Variants in CNTNAP2 observed in about 807,000 individuals in gnomAD.
CNTNAP2 encodes the protein contactin-associated protein-like 2.
A neutral mutation model predicts 155.2 loss-of-function variants in CNTNAP2; 98 were observed. The observed-to-expected ratio is 0.63, with a 90% confidence interval of 0.54 to 0.75. The LOEUF is 0.75. Ranked by LOEUF, CNTNAP2 falls within the 30% of genes least tolerant of loss-of-function variation. CNTNAP2 has a pLI of 0.00. For missense variants in CNTNAP2, 1,727 were observed against 1,688.1 expected, an observed-to-expected ratio of 1.02 and a Z score of -0.40; for synonymous variants, 651 against 631.2, an observed-to-expected ratio of 1.03 and a Z score of -0.47.
intron 2 of CNTNAP2, among the ~76,000 whole-genome samples, chr7:146,830,674 T>C (rs1278693944): frequency 6.6e-6 from 1 of 152,182 alleles, no homozygotes; most frequent in Admixed American, 6.5e-5. Context: ...TGTTTATTGT[T>C]GATGTTAAAA....
chr7:146,759,072 T>G (rs1189445308), intron 1 of CNTNAP2, among the ~76,000 whole-genome samples: 3 of 151,890 alleles, frequency 2.0e-5, no homozygotes, highest in Admixed American at 2.0e-4. Flanking sequence ...TGTTTTCTTT[T>G]GGATTGGTAT....
chr7:147,602,357 CTAT>C (rs1800965024), intron 12 of CNTNAP2, among the ~76,000 whole-genome samples: 1 of 78,664 alleles, frequency 1.3e-5, no homozygotes, highest in African/African-American at 6.3e-5. Context: ...GTACTTCAGT[CTAT>C]TTTTTTTTTT....
At chr7:146,664,647 A>G (rs1800159183) in intron 1 of CNTNAP2, among the ~76,000 whole-genome samples, 1 of 152,136 alleles carries the variant, frequency 6.6e-6, no homozygotes, top group Admixed American at 6.5e-5. Context: ...TCTATGTACT[A>G]ATGGTGGCTC....
At chr7:147,358,520 T>C (rs1728127143) in intron 9 of CNTNAP2, among the ~76,000 whole-genome samples, 1 of 152,126 alleles carries the variant, frequency 6.6e-6, no homozygotes, top group African/African-American at 2.4e-5. Flanking sequence ...TTAACACAAT[T>C]TAACAAATGT....
chr7:147,729,613 C>A (rs962663134), intron 13 of CNTNAP2, among the ~76,000 whole-genome samples: 2 of 151,816 alleles, frequency 1.3e-5, no homozygotes, highest in Non-Finnish European at 2.9e-5. Flanking sequence ...ACTGTGTGGA[C>A]CACAGGATTT....
chr7:146,596,109 C>G (rs1214812439), intron 1 of CNTNAP2, among the ~76,000 whole-genome samples: 2 of 151,920 alleles, frequency 1.3e-5, no homozygotes. Context: ...GCAGCATGCT[C>G]CGGAGCAGAC....
chr7:146,477,394 A>C (rs1199916435), intron 1 of CNTNAP2, among the ~76,000 whole-genome samples: 1 of 152,166 alleles, frequency 6.6e-6, no homozygotes, highest in Non-Finnish European at 1.5e-5. Flanking sequence ...TCCATTATAC[A>C]TATTTTACTT....
intron 10 of CNTNAP2, among the ~76,000 whole-genome samples, chr7:147,441,938 T>C (rs1278350644): frequency 7.0e-6 from 1 of 142,262 alleles, no homozygotes. Context: ...AGCACCCCTA[T>C]GGCAACCACC....
intron 1 of CNTNAP2, among the ~76,000 whole-genome samples, chr7:146,154,240 A>G (rs1798092339): frequency 6.6e-6 from 1 of 152,168 alleles, no homozygotes; most frequent in African/African-American, 2.4e-5. Flanking sequence ...GTGATGTAAT[A>G]TAGTGATGTA....
At chr7:147,931,972 G>A (rs1490084363) in intron 14 of CNTNAP2, among the ~76,000 whole-genome samples, 5 of 151,904 alleles carry the variant, frequency 3.3e-5, no homozygotes, top group East Asian at 3.9e-4. Flanking sequence ...TGCAACCTCC[G>A]CCTCCCGTGC....
intron 15 of CNTNAP2, among the ~76,000 whole-genome samples, chr7:148,078,124 T>C (rs1257259521): frequency 6.6e-6 from 1 of 152,102 alleles, no homozygotes; most frequent in Admixed American, 6.5e-5. Flanking sequence ...AGTGCAGTGG[T>C]GTGATCTCAG....
intron 13 of CNTNAP2, among the ~76,000 whole-genome samples, chr7:147,729,221 C>A (rs540139781): frequency 6.6e-6 from 1 of 151,678 alleles, no homozygotes; most frequent in Non-Finnish European, 1.5e-5. Flanking sequence ...CAGTTGTAAG[C>A]CACTGCACCC....
intron 13 of CNTNAP2, among the ~76,000 whole-genome samples, chr7:147,807,043 G>A (rs1337849124): frequency 6.6e-6 from 1 of 152,096 alleles, no homozygotes; most frequent in Non-Finnish European, 1.5e-5. Flanking sequence ...TGGGCATTGT[G>A]GCTCAAGCCT....
At chr7:146,870,667 T>C (rs1050677849) in intron 3 of CNTNAP2, among the ~76,000 whole-genome samples, 3 of 152,192 alleles carry the variant, frequency 2.0e-5, no homozygotes, top group African/African-American at 4.8e-5. Flanking sequence ...AAAGATACTA[T>C]GTTAAATGTT....
chr7:146,563,735 A>G (rs1333988789), intron 1 of CNTNAP2, among the ~76,000 whole-genome samples: 3 of 152,172 alleles, frequency 2.0e-5, no homozygotes, highest in African/African-American at 7.2e-5. Flanking sequence ...TAGTTTTGAG[A>G]AAAGCTTATA....
At chr7:146,935,253 C>T (rs1796888222) in intron 3 of CNTNAP2, among the ~76,000 whole-genome samples, 1 of 152,158 alleles carries the variant, frequency 6.6e-6, no homozygotes, top group East Asian at 1.9e-4. Flanking sequence ...CTTGTTTAGG[C>T]CTCTATGAAC....
intron 3 of CNTNAP2, among the ~76,000 whole-genome samples, chr7:146,882,781 T>G (rs1357546618): frequency 2.0e-5 from 3 of 152,108 alleles, no homozygotes; most frequent in Non-Finnish European, 4.4e-5. Context: ...CAAATAATGT[T>G]CAGGCTGAGA....
chr7:146,801,211 A>G (rs1802871385), intron 2 of CNTNAP2, among the ~76,000 whole-genome samples: 1 of 152,136 alleles, frequency 6.6e-6, no homozygotes, highest in Non-Finnish European at 1.5e-5. Flanking sequence ...GCTCTTTTAA[A>G]CAACTAGCTC....
intron 8 of CNTNAP2, chr7:147,167,552 T>C: frequency 1.2e-6 from 1 of 820,670 alleles, no homozygotes; most frequent in South Asian, 1.6e-5. Context: ...AGACAACTGC[T>C]CTCCCAGATG....
Sources: gnomAD v4.1 joint callset for allele counts (sites outside exome capture counted in the v4.1 genomes callset) on GRCh38, gnomAD v4.1.1 for gene constraint, MANE v1.5 for transcripts, NCBI Gene and HGNC (gene_info 2026-07-23, HGNC 2026-07-21) for gene names.